Variants in DACH1 observed in about 807,000 individuals in gnomAD.
DACH1 encodes dachshund family transcription factor 1, also known as dachshund homolog 1.
Under a neutral mutation model 54.2 loss-of-function variants are expected in DACH1, and 12 were observed. The observed-to-expected ratio is 0.22, with a 90% CI of 0.14 to 0.36. The LOEUF (loss-of-function observed/expected upper bound fraction) is 0.36. Ranked by LOEUF, DACH1 falls within the 10% of genes least tolerant of loss-of-function variation. The pLI is 1.00. For missense variants in DACH1, 805 were observed against 929.8 expected (o/e 0.87, Z 1.75); for synonymous variants, 386 against 366.2 (o/e 1.05, Z -0.62).
chr13:71,837,146 T>C (rs1888822543), intron 1 of DACH1, among the ~76,000 whole-genome samples: 2 of 152,028 alleles, frequency 1.3e-5, no homozygotes, highest in South Asian at 2.1e-4. Flanking sequence ...TTACCTTAAA[T>C]AATAAGGCAA....
chr13:71,685,301 T>G (rs1313916146), intron 1 of DACH1, among the ~76,000 whole-genome samples: 3 of 152,214 alleles, frequency 2.0e-5, no homozygotes, highest in Non-Finnish European at 2.9e-5. Context: ...AGCTTTAAGT[T>G]CTTTTAAAAC....
chr13:71,674,440 T>TACACACAC (rs57078245), intron 2 of DACH1, among the ~76,000 whole-genome samples: 71 of 141,136 alleles, frequency 5.0e-4, no homozygotes, highest in African/African-American at 9.3e-4. Flanking sequence ...AGGGAGATTT[T>TACACACAC]ACACACACAC....
intron 3 of DACH1, among the ~76,000 whole-genome samples, chr13:71,618,357 C>T (rs151256050): frequency 0.01 from 1,571 of 152,064 alleles, 55 homozygotes; most frequent in Admixed American, 0.067. Flanking sequence ...CTGAGTTATG[C>T]TTTGTGGTAA....
chr13:71,767,586 C>T (rs144113872), intron 1 of DACH1, among the ~76,000 whole-genome samples: 2 of 151,968 alleles, frequency 1.3e-5, no homozygotes, highest in South Asian at 4.1e-4. Flanking sequence ...ACAATGCCCC[C>T]CCAAGACTCC....
intron 7 of DACH1, among the ~76,000 whole-genome samples, chr13:71,483,449 A>T (rs1878227012): frequency 6.8e-6 from 1 of 147,086 alleles, no homozygotes; most frequent in Non-Finnish European, 1.5e-5. Flanking sequence ...AAAAATTAAT[A>T]TAATAAATAA....
intron 1 of DACH1, among the ~76,000 whole-genome samples, chr13:71,820,803 T>C (rs2138181446): frequency 6.6e-6 from 1 of 152,274 alleles, no homozygotes; most frequent in East Asian, 1.9e-4. Flanking sequence ...CTAAAAGCTG[T>C]TCTACAAAAG....
intron 3 of DACH1, among the ~76,000 whole-genome samples, chr13:71,583,035 T>C (rs1047541695): frequency 2.0e-5 from 3 of 152,332 alleles, no homozygotes; most frequent in African/African-American, 4.8e-5. Context: ...TTAAAAACTA[T>C]GTTTCTAAAT....
At chr13:71,539,811 G>T (rs1196325252) in intron 6 of DACH1, among the ~76,000 whole-genome samples, 3 of 151,736 alleles carry the variant, frequency 2.0e-5, no homozygotes, top group African/African-American at 7.3e-5. Flanking sequence ...ATTTGTAAGA[G>T]AAAATATCAA....
intron 2 of DACH1, among the ~76,000 whole-genome samples, chr13:71,666,865 T>G (rs1879873568): frequency 6.6e-6 from 1 of 151,976 alleles, no homozygotes; most frequent in Non-Finnish European, 1.5e-5. Flanking sequence ...GCCTGTAATC[T>G]CAGCTACTTG....
At chr13:71,835,844 A>C (rs1888763012) in intron 1 of DACH1, among the ~76,000 whole-genome samples, 1 of 152,088 alleles carries the variant, frequency 6.6e-6, no homozygotes, top group Admixed American at 6.6e-5. Flanking sequence ...AAGTTTATAC[A>C]GATTCATTTT....
At chr13:71,736,447 G>GAAAA (rs1198347737) in intron 1 of DACH1, among the ~76,000 whole-genome samples, 2 of 151,810 alleles carry the variant, frequency 1.3e-5, no homozygotes, top group Non-Finnish European at 2.9e-5. Flanking sequence ...ACAGCTTAAG[G>GAAAA]AAAAAAGGTA....
At chr13:71,778,186 G>C (rs905235365) in intron 1 of DACH1, among the ~76,000 whole-genome samples, 1 of 151,802 alleles carries the variant, frequency 6.6e-6, no homozygotes, top group Admixed American at 6.6e-5. Context: ...AAATAAGCTA[G>C]TTATTTCTCT....
intron 1 of DACH1, among the ~76,000 whole-genome samples, chr13:71,835,583 T>C (rs1166833860): frequency 6.6e-6 from 1 of 152,036 alleles, no homozygotes; most frequent in Non-Finnish European, 1.5e-5. Context: ...CTTTATGTAT[T>C]GGTGAAAAAA....
chr13:71,631,403 C>T (rs1877090938), intron 2 of DACH1, among the ~76,000 whole-genome samples: 1 of 152,166 alleles, frequency 6.6e-6, no homozygotes. Context: ...ATAGGACATG[C>T]CACCCTGCAC....
intron 6 of DACH1, among the ~76,000 whole-genome samples, chr13:71,540,286 C>T (rs74095967): frequency 0.014 from 2,117 of 152,120 alleles, 54 homozygotes; most frequent in African/African-American, 0.048. Flanking sequence ...AACAAAGGCA[C>T]TGTAACAGTT....
chr13:71,715,688 C>T (rs1034752014), intron 1 of DACH1, among the ~76,000 whole-genome samples: 10 of 151,148 alleles, frequency 6.6e-5, no homozygotes, highest in Non-Finnish European at 1.2e-4. Context: ...CCAATGAGAA[C>T]GAGATATGTC....
chr13:71,775,899 T>G (rs542514539), intron 1 of DACH1, among the ~76,000 whole-genome samples: 2 of 152,212 alleles, frequency 1.3e-5, no homozygotes, highest in East Asian at 3.9e-4. Flanking sequence ...TGGAATTGCT[T>G]ATTTGAAGTT....
rs189882853 is a variant in DACH1 at position 71,837,753 on chromosome 13, C to T, written c.848+28169G>A. Among the ~76,000 whole-genome samples the T allele has an allele frequency of 5.9e-3, 730 of 124,350 alleles. 47 individuals carry two copies. Among genetic ancestry groups the T allele is most frequent in the African/African-American group, 0.022 (703 of 31,960 alleles). 81.6% of individuals were successfully genotyped at this position (124,350 alleles called of 152,430 possible). On this transcript the variant is annotated intron_variant, in intron 1 of 10. Transcript: ENST00000613252. ...TTGCGGCATTATTCACAATAGCAAC[C>T]CAAATGTCCAACAATGATAGACTGG... is the stretch of plus-strand genomic sequence containing the variant.
At chr13:71,622,165 C>T (rs1876296393) in intron 3 of DACH1, among the ~76,000 whole-genome samples, 1 of 151,900 alleles carries the variant, frequency 6.6e-6, no homozygotes, top group African/African-American at 2.4e-5. Context: ...TTTCACATGT[C>T]ATGATTGATA....
Sources: gnomAD v4.1 joint callset for allele counts (sites outside exome capture counted in the v4.1 genomes callset) on GRCh38, gnomAD v4.1.1 for gene constraint, MANE v1.5 for transcripts, NCBI Gene and HGNC (gene_info 2026-07-23, HGNC 2026-07-21) for gene names.